KLHL1: variants seen among roughly 807,000 people sequenced by gnomAD.
The protein encoded by KLHL1 is kelch-like protein 1.
KLHL1 carries 47 observed loss-of-function variants against 77.7 expected under a neutral mutation model. That is an observed-to-expected ratio of 0.60 (90% CI 0.48 to 0.77). The LOEUF (loss-of-function observed/expected upper bound fraction) is 0.77. Among genes scored for constraint, KLHL1 ranks in the 30% least tolerant of loss-of-function variants. The pLI, the probability that KLHL1 is intolerant of heterozygous loss-of-function variation, is 0.00. For missense variants in KLHL1, 925 were observed against 910.8 expected (o/e 1.02, Z -0.20); for synonymous variants, 360 against 325.2 (o/e 1.11, Z -1.15).
chr13:69,710,801 TG>T (rs1350441464), intron 9 of KLHL1, among the ~76,000 whole-genome samples: 3 of 145,598 alleles, frequency 2.1e-5, no homozygotes, highest in African/African-American at 5.4e-5. Context: ...TTGCCAGGTT[TG>T]TTTGTTTGTT....
At chr13:69,819,148 G>A (rs1297784778) in intron 6 of KLHL1, among the ~76,000 whole-genome samples, 1 of 152,086 alleles carries the variant, frequency 6.6e-6, no homozygotes, top group East Asian at 1.9e-4. Flanking sequence ...GTAAAAATAA[G>A]GTCAAGATAT....
intron 4 of KLHL1, among the ~76,000 whole-genome samples, chr13:69,918,968 T>C (rs1882537529): frequency 6.6e-6 from 1 of 151,944 alleles, no homozygotes; most frequent in African/African-American, 2.4e-5. Flanking sequence ...CATACCAAAC[T>C]CTTCATAATT....
chr13:70,066,698 C>A (rs2137412199), intron 1 of KLHL1, among the ~76,000 whole-genome samples: 1 of 152,258 alleles, frequency 6.6e-6, no homozygotes, highest in East Asian at 1.9e-4. Context: ...AACCCTGCTG[C>A]CAAGAGTCCT....
intron 8 of KLHL1, among the ~76,000 whole-genome samples, chr13:69,735,024 T>G (rs1036554005): frequency 6.6e-6 from 1 of 152,108 alleles, no homozygotes; most frequent in Non-Finnish European, 1.5e-5. Flanking sequence ...GAATATGGAA[T>G]GCAAAAATTA....
chr13:69,773,509 AGTAATAAATG>A (rs1236168938), intron 7 of KLHL1, among the ~76,000 whole-genome samples: 1 of 152,010 alleles, frequency 6.6e-6, no homozygotes, highest in Non-Finnish European at 1.5e-5. Flanking sequence ...GTGAGCACTC[AGTAATAAATG>A]GTAATAAGAG....
intron 2 of KLHL1, among the ~76,000 whole-genome samples, chr13:69,971,643 C>T (rs1884384116): frequency 6.6e-6 from 1 of 152,006 alleles, no homozygotes; most frequent in Non-Finnish European, 1.5e-5. Context: ...TCATAATACT[C>T]TATCATATAC....
At position 70,108,076 on chromosome 13, in the gene KLHL1, G is replaced by T. The variant is rs1888121833; in HGVS notation, c.-377C>A. On this transcript the variant is annotated 5_prime_UTR_variant, in exon 1 of 11. Transcript: ENST00000377844. ...GGGAGGGAGGTCTGAGCGCTCCGAA[G>T]CTCCGGAGGCGGCTGCAGCTGGATA... 4 of 416,214 alleles carry T rather than the reference G, an allele frequency of 9.6e-6. No individual in the cohort carries two copies. Among genetic ancestry groups the T allele is most frequent in the Non-Finnish European group, 1.7e-5 (4 of 236,018 alleles). The allele number at this position is 416,214 out of a possible 1,614,324, so 25.8% of individuals were successfully genotyped here. A position where few individuals can be genotyped will look rare whatever the true frequency, so the allele number is the denominator to read the frequency against.
intron 1 of KLHL1, among the ~76,000 whole-genome samples, chr13:70,013,836 T>C (rs1014932609): frequency 1.3e-5 from 2 of 152,290 alleles, no homozygotes; most frequent in African/African-American, 2.4e-5. Flanking sequence ...TATGAGCTTT[T>C]ACATGTAGTA....
intron 4 of KLHL1, among the ~76,000 whole-genome samples, chr13:69,924,200 C>A (rs971112327): frequency 1.3e-5 from 2 of 152,200 alleles, no homozygotes; most frequent in African/African-American, 4.8e-5. Flanking sequence ...TTGATGACAG[C>A]AGAAAGCAGA....
intron 1 of KLHL1, among the ~76,000 whole-genome samples, chr13:69,987,648 T>C (rs60568513): frequency 0.16 from 23,637 of 151,972 alleles, 3,891 homozygotes; most frequent in African/African-American, 0.42. Flanking sequence ...CTCTTTTCCA[T>C]TGTTTTACCT....
chr13:69,798,917 C>T (rs893276411), intron 6 of KLHL1, among the ~76,000 whole-genome samples: 2 of 151,710 alleles, frequency 1.3e-5, no homozygotes, highest in African/African-American at 4.8e-5. Context: ...ACTAAAAATA[C>T]AAAAAATAAT....
intron 2 of KLHL1, among the ~76,000 whole-genome samples, chr13:69,963,910 G>A (rs1282965993): frequency 6.6e-6 from 1 of 151,910 alleles, no homozygotes; most frequent in African/African-American, 2.4e-5. Flanking sequence ...TTTATCTGAA[G>A]ACTTATTTAG....
chr13:69,748,196 G>A (rs945279436), intron 7 of KLHL1, among the ~76,000 whole-genome samples: 34 of 152,162 alleles, frequency 2.2e-4, no homozygotes, highest in Admixed American at 2.0e-4. Flanking sequence ...ATGCAAATGA[G>A]TTCTGGTTTA....
intron 9 of KLHL1, among the ~76,000 whole-genome samples, chr13:69,712,844 G>T (rs1225042082): frequency 4.0e-5 from 6 of 150,386 alleles, no homozygotes; most frequent in Non-Finnish European, 8.9e-5. Flanking sequence ...AGACAGTGGT[G>T]CAATCTTGGC....
chr13:70,100,095 T>C (rs1887889662), intron 1 of KLHL1, among the ~76,000 whole-genome samples: 1 of 152,088 alleles, frequency 6.6e-6, no homozygotes, highest in Admixed American at 6.6e-5. Context: ...AAAGATTTTC[T>C]TCAGTGATAT....
intron 1 of KLHL1, among the ~76,000 whole-genome samples, chr13:70,072,550 G>A (rs542299856): frequency 8.5e-5 from 13 of 152,150 alleles, no homozygotes; most frequent in African/African-American, 3.1e-4. Flanking sequence ...AATGAGATAT[G>A]AGCACATCAA....
At chr13:69,861,735 G>A (rs1467486264) in intron 5 of KLHL1, among the ~76,000 whole-genome samples, 1 of 148,988 alleles carries the variant, frequency 6.7e-6, no homozygotes, top group African/African-American at 2.5e-5. Context: ...ATCACCTGAG[G>A]TCGGGAGTTC....
chr13:69,870,908 G>A (rs1446385957), intron 5 of KLHL1, among the ~76,000 whole-genome samples: 1 of 152,030 alleles, frequency 6.6e-6, no homozygotes, highest in South Asian at 2.1e-4. Flanking sequence ...CGCTCTCAGG[G>A]ATTGAAACTG....
At chr13:69,905,278 C>G (rs2138234071) in intron 4 of KLHL1, among the ~76,000 whole-genome samples, 1 of 152,122 alleles carries the variant, frequency 6.6e-6, no homozygotes, top group East Asian at 1.9e-4. Context: ...TATAGAAGTG[C>G]TCTTTGAATT....
Sources: allele counts gnomAD v4.1 joint callset (sites outside exome capture counted in the v4.1 genomes callset), GRCh38; gene constraint gnomAD v4.1.1; transcripts MANE v1.5; gene names NCBI Gene and HGNC (gene_info 2026-07-23, HGNC 2026-07-21).